WDR1: variants seen among roughly 807,000 people sequenced by gnomAD.
WDR1 encodes WD repeat-containing protein 1.
A neutral mutation model predicts 71.9 loss-of-function variants in WDR1; 21 were observed. That is an observed-to-expected ratio of 0.29 (90% confidence interval 0.21 to 0.42). The LOEUF is 0.42. Among genes scored for constraint, WDR1 ranks in the 10% least tolerant of loss-of-function variants. WDR1 has a pLI of 1.00. For missense variants in WDR1, 696 were observed against 824.5 expected (o/e 0.84, Z 1.91); for synonymous variants, 424 against 347.4 (o/e 1.22, Z -2.45).
At chr4:10,077,714 C>T in intron 13 of WDR1, 39 bp downstream of exon 13, 1 of 1,526,400 alleles carries the variant, frequency 6.6e-7, no homozygotes, top group Non-Finnish European at 8.8e-7. Context: ...ACCTGCACCG[C>T]CCAGCACGGG....
intron 2 of WDR1, among the ~76,000 whole-genome samples, chr4:10,114,209 A>G (rs183033863): frequency 2.5e-4 from 38 of 152,320 alleles, no homozygotes; most frequent in Non-Finnish European, 4.4e-4. Flanking sequence ...AGAAACTTAA[A>G]AATAATTGAG....
At chr4:10,088,242 T>C in intron 7 of WDR1, 51 bp downstream of exon 7, 1 of 1,505,970 alleles carries the variant, frequency 6.6e-7, no homozygotes, top group Non-Finnish European at 9.0e-7. Flanking sequence ...GACTGACACG[T>C]GGACTCGGCC....
intron 12 of WDR1, 147 bp downstream of exon 12, chr4:10,078,744 G>GA (rs1764893226): frequency 1.5e-6 from 1 of 646,058 alleles, no homozygotes; most frequent in Admixed American, 3.2e-5. Context: ...CTGGGCCCCA[G>GA]AGCAGGTCCC....
In WDR1 at chr4:10,087,958, G is replaced by C; in HGVS notation, c.718-18C>G. ...CAACTAATCTATTCAGAAAAAAGCAGTGTGTCATGTGCCAGAGGACTACAG... is the reference window on the plus strand; with the variant it reads ...CAACTAATCTATTCAGAAAAAAGCACTGTGTCATGTGCCAGAGGACTACAG... On this transcript the variant is annotated intron_variant, in intron 7 of 14. Transcript: ENST00000499869. 1 of 1,542,476 alleles carries C rather than the reference G, an allele frequency of 6.5e-7. No homozygotes were observed. The highest frequency in any genetic ancestry group is 8.8e-7 in the Non-Finnish European group (1 of 1,141,770).
intron 2 of WDR1, among the ~76,000 whole-genome samples, chr4:10,105,618 C>G (rs564326943): frequency 6.6e-6 from 1 of 152,292 alleles, no homozygotes; most frequent in African/African-American, 2.4e-5. Context: ...ACTGACATCA[C>G]CAAGTGCTGG....
chr4:10,082,318 T>C (rs1350993656), intron 10 of WDR1, among the ~76,000 whole-genome samples: 1 of 150,664 alleles, frequency 6.6e-6, no homozygotes, highest in African/African-American at 2.5e-5. Context: ...GGAGTCCCCA[T>C]CTCCCAGGCA....
intron 12 of WDR1, among the ~76,000 whole-genome samples, chr4:10,078,354 G>T (rs1764878975): frequency 6.6e-6 from 1 of 152,194 alleles, no homozygotes; most frequent in Admixed American, 6.5e-5. Flanking sequence ...TCAGGACTTG[G>T]CCAGGCACAC....
chr4:10,096,281 GC>G (rs1712346181), intron 5 of WDR1: 1 of 152,250 alleles, frequency 6.6e-6, no homozygotes, highest in African/African-American at 2.4e-5. Flanking sequence ...GCTTCCTCCT[GC>G]CCTGGGCTGA....
intron 2 of WDR1, among the ~76,000 whole-genome samples, chr4:10,114,532 T>C (rs1308825263): frequency 6.6e-6 from 1 of 152,248 alleles, no homozygotes; most frequent in African/African-American, 2.4e-5. Context: ...GAAGTCAATG[T>C]GGACTGCAAC....
intron 9 of WDR1, chr4:10,083,467 T>C: frequency 1.8e-6 from 1 of 547,176 alleles, no homozygotes; most frequent in Non-Finnish European, 3.5e-6. Flanking sequence ...CCTCTGCTAC[T>C]AGTTATCGGG....
At chr4:10,110,274 C>G (rs987514750) in intron 2 of WDR1, among the ~76,000 whole-genome samples, 5 of 152,216 alleles carry the variant, frequency 3.3e-5, no homozygotes, top group South Asian at 2.1e-4. Context: ...AGGGCCCTTT[C>G]CTGTGTCCAC....
intron 3 of WDR1, 45 bp from the exon 4 acceptor site, chr4:10,099,184 G>GGGGGGGGGGGGGGGT (rs1578437808): frequency 6.7e-6 from 3 of 450,122 alleles, no homozygotes; most frequent in Non-Finnish European, 1.2e-5. Context: ...CGGTGGTGGG[G>GGGGGGGGGGGGGGGT]TAAAGGGCAG....
At chr4:10,078,414 G>A (rs1319424059) in intron 12 of WDR1, among the ~76,000 whole-genome samples, 1 of 152,190 alleles carries the variant, frequency 6.6e-6, no homozygotes, top group Non-Finnish European at 1.5e-5. Context: ...TTATGCCGAG[G>A]CAGAACTCAA....
At chr4:10,087,967 G>A (rs1414564165) in intron 7 of WDR1, 27 bp from the exon 8 acceptor site, 1 of 1,535,714 alleles carries the variant, frequency 6.5e-7, no homozygotes, top group Non-Finnish European at 8.8e-7. Flanking sequence ...AGTGTGTCAT[G>A]TGCCAGAGGA....
chr4:10,077,743 C>A lies in WDR1; in HGVS notation c.1569+10G>T, dbSNP rs775739646. 1.5e-5 allele frequency: 24 copies of A among 1,566,834 alleles called. No individual in the cohort carries two copies. Among genetic ancestry groups the A allele is most frequent in the Non-Finnish European group, 1.9e-5 (22 of 1,155,076 alleles). On this transcript the variant is annotated intron_variant, in intron 13 of 14. Transcript: ENST00000499869. ...GCACGGGGACAGAGGAGGAGCCCGC[C>A]GCCACTCACCGAGTAGCCGTCAGCA...
chr4:10,116,667 C>T lies in WDR1; in HGVS notation c.-1G>A. 2.2e-6 allele frequency: 3 copies of T among 1,349,406 alleles called. No homozygotes were observed. The highest frequency in any genetic ancestry group is 2.9e-6 in the Non-Finnish European group (3 of 1,043,200). 83.6% of individuals were successfully genotyped at this position (1,349,406 alleles called of 1,614,324 possible). On this transcript the variant is annotated 5_prime_UTR_variant, in exon 1 of 15. Coordinates refer to ENST00000499869, the MANE Select transcript of WDR1 (RefSeq NM_017491.5). ...GGCACTTACTGATCTCGTACGGCAT[C>T]CTCGCCCACTTGTTACCGCGCCGCG...
intron 9 of WDR1, chr4:10,083,655 C>G: frequency 4.2e-6 from 2 of 478,654 alleles, no homozygotes; most frequent in South Asian, 3.0e-5. Flanking sequence ...CAGCACGGTG[C>G]TCAGGGAGGG....
chr4:10,088,422 G>T, intron 6 of WDR1, 49 bp from the exon 7 acceptor site: 1 of 1,511,980 alleles, frequency 6.6e-7, no homozygotes, highest in Non-Finnish European at 9.0e-7. Flanking sequence ...AACACCCTCT[G>T]GAGTAAGCAG....
At chr4:10,092,901 T>A in intron 5 of WDR1, 2 of 478,216 alleles carry the variant, frequency 4.2e-6, no homozygotes, top group Non-Finnish European at 3.8e-6. Context: ...TCCAGCCTCA[T>A]CCCTGGTGGA....
Sources: allele counts gnomAD v4.1 joint callset (sites outside exome capture counted in the v4.1 genomes callset), GRCh38; gene constraint gnomAD v4.1.1; transcripts MANE v1.5; gene names NCBI Gene and HGNC (gene_info 2026-07-23, HGNC 2026-07-21).